The following SLC49A3 variants were observed in gnomAD, a reference collection of about 807,000 sequenced individuals.
The protein encoded by SLC49A3 is solute carrier family 49 member A3.
Under a neutral mutation model 43.8 loss-of-function variants are expected in SLC49A3, and 50 were observed. The ratio of observed to expected loss-of-function variants is 1.14; its 90% CI spans 0.91 to 1.45. The LOEUF (loss-of-function observed/expected upper bound fraction) is 1.45. Ranked by LOEUF, SLC49A3 falls within the 40% of genes most tolerant of loss-of-function variation. The probability of loss-of-function intolerance (pLI) is 0.00; values close to 1 mark genes in which losing one functional copy is unlikely to be tolerated. For missense variants in SLC49A3, 906 were observed against 774.1 expected, an observed-to-expected ratio of 1.17 and a Z score of -2.02; for synonymous variants, 413 against 352.0, an observed-to-expected ratio of 1.17 and a Z score of -1.94.
Position 682,175 on chromosome 4 carries a change from G to A in SLC49A3, c.1463C>T (p.Thr488Ile). Residue 488 changes from threonine (T) to isoleucine (I), a missense_variant, in exon 10 of 10, where the codon ACT becomes ATT. By Grantham distance (89) the Thr-to-Ile change is moderately conservative. Coordinates refer to ENST00000322224, the MANE Select transcript of SLC49A3 (RefSeq NM_032219.4). Reference sequence around the variant, plus strand: ...GGCCCCCCTCGCCGTGCACTCCGGAGTCGCCGTGCTGGGCCCCAGGACCCC... The same window carrying A: ...GGCCCCCCTCGCCGTGCACTCCGGAATCGCCGTGCTGGGCCCCAGGACCCC... ...RAGVLGPSTA[T>I]PECTARGASL... 7.4e-7 allele frequency: 1 copy of A among 1,353,984 alleles called. No individual in the cohort carries two copies. Among genetic ancestry groups the A allele is most frequent in the Non-Finnish European group, 9.6e-7 (1 of 1,041,520 alleles). 83.9% of individuals were successfully genotyped at this position (1,353,984 alleles called of 1,614,324 possible).
Position 682,174 on chromosome 4 carries a change from A to C in SLC49A3, c.1464T>G (p.Thr488=). The change falls in exon 10 of 10, where the codon ACT becomes ACG. Residue 488 remains threonine, a synonymous_variant. Coordinates refer to ENST00000322224, the MANE Select transcript of SLC49A3 (RefSeq NM_032219.4). ...RAGVLGPSTA[T]PECTARGASL... ...AGGCCCCCCTCGCCGTGCACTCCGGAGTCGCCGTGCTGGGCCCCAGGACCC... is the reference window on the plus strand; with the variant it reads ...AGGCCCCCCTCGCCGTGCACTCCGGCGTCGCCGTGCTGGGCCCCAGGACCC... 1 of 1,353,198 alleles carries C rather than the reference A, an allele frequency of 7.4e-7. No homozygotes were observed. Among genetic ancestry groups the C allele is most frequent in the Non-Finnish European group, 9.6e-7 (1 of 1,041,110 alleles). The allele number at this position is 1,353,198 out of a possible 1,614,324, so 83.8% of individuals were successfully genotyped here.
downstream of SLC49A3, chr4:680,606 A>AGGGCGGCCC (rs755997451): frequency 3.1e-6 from 5 of 1,610,522 alleles, no homozygotes; most frequent in Non-Finnish European, 4.2e-6. Flanking sequence ...CCGGGCGGCC[A>AGGGCGGCCC]GGGCGGCCCG....
chr4:678,320 C>T (rs554659733), downstream of SLC49A3: 8 of 1,424,238 alleles, frequency 5.6e-6, no homozygotes, highest in East Asian at 5.2e-5. Flanking sequence ...TCCCGGTACC[C>T]AGAACAAGCC....
In SLC49A3 at chr4:686,788, C is replaced by T. The variant is rs889632391; in HGVS notation, c.136-98G>A. The T allele has an allele frequency of 5.3e-5, 77 of 1,461,056 alleles. No individual in the cohort carries two copies. In the Admixed American group the frequency reaches 1.4e-3, roughly 27 times the overall value. 90.5% of individuals were successfully genotyped at this position (1,461,056 alleles called of 1,614,324 possible). On this transcript the variant is annotated intron_variant, in intron 1 of 9. Coordinates refer to ENST00000322224, the MANE Select transcript of SLC49A3 (RefSeq NM_032219.4). ...GAGGGGGTCAGAGTGCCAGCAGCCC[C>T]GTGAGGCCGAGGGGACACAGCGAGC...
In SLC49A3 at chr4:683,726, C is replaced by A; in HGVS notation, c.876G>T (p.Thr292=). The change falls in exon 7 of 10, where the codon ACG becomes ACT. Residue 292 remains threonine (T), a synonymous_variant. Coordinates refer to ENST00000322224, the MANE Select transcript of SLC49A3 (RefSeq NM_032219.4). ...GAGCCAGTGCCCCCAGGATCCCAAA[C>A]GTGATGAAGAGAGCGCCACAGAGGC... ...FSGLCGALFI[T]FGILGALALG... 1.3e-6 allele frequency: 2 copies of A among 1,587,872 alleles called. No homozygotes were observed. Among genetic ancestry groups the A allele is most frequent in the Middle Eastern group, 1.7e-4 (1 of 6,014 alleles).
intron 9 of SLC49A3, 27 bp downstream of exon 9, chr4:682,754 C>T (rs755590723): frequency 5.9e-6 from 9 of 1,516,520 alleles, no homozygotes; most frequent in African/African-American, 1.4e-5. Context: ...TGTCCTGTTC[C>T]CTGGGGACTC....
chr4:683,974 G>A (rs963253793), intron 6 of SLC49A3, among the ~76,000 whole-genome samples: 1 of 152,062 alleles, frequency 6.6e-6, no homozygotes, highest in Non-Finnish European at 1.5e-5. Flanking sequence ...TCGCTAAAGG[G>A]AAGAGCCTGT....
In SLC49A3 at chr4:685,223, C is replaced by T. The variant is rs1740747941; in HGVS notation, c.586-367G>A. 1 of 349,454 alleles carries T rather than the reference C, an allele frequency of 2.9e-6. No homozygotes were observed. The highest frequency in any genetic ancestry group is 3.2e-5 in the South Asian group (1 of 31,274). 21.6% of individuals were successfully genotyped at this position (349,454 alleles called of 1,614,324 possible). On this transcript the variant is annotated intron_variant, in intron 4 of 9. Transcript: ENST00000322224. This position sits in a 1 kb window ranked among gnomAD's most constrained non-coding sequence, Gnocchi z 4.3. ...CATACAGACTCACGCTCAGTACATA[C>T]CCCCAAGCACAAACACACCACCCGC...
chr4:691,587 T>C (rs573480980), upstream of SLC49A3, among the ~76,000 whole-genome samples: 83 of 150,512 alleles, frequency 5.5e-4, no homozygotes, highest in African/African-American at 1.8e-3. Context: ...AGAGGGAGAC[T>C]CTGTCACAAA....
At chr4:689,262 C>G, upstream of SLC49A3, 1 of 481,850 alleles carries the variant, frequency 2.1e-6, no homozygotes. Flanking sequence ...AGTTCCGCCC[C>G]AAGGACTACG....
intron 1 of SLC49A3, among the ~76,000 whole-genome samples, chr4:688,386 G>A (rs565320044): frequency 9.9e-5 from 15 of 152,106 alleles, no homozygotes; most frequent in Middle Eastern, 3.2e-3. Flanking sequence ...GACCATCCCC[G>A]TGACCTGGCG....
At position 683,676 on chromosome 4, in the gene SLC49A3, T is replaced by G. The variant is rs750388306; in HGVS notation, c.926A>C (p.Lys309Thr). Residue 309 changes from lysine to threonine, a missense_variant, in exon 7 of 10, where the codon AAG becomes ACG. Physicochemically the swap from Lys to Thr is moderately conservative, Grantham distance 78. Coordinates refer to ENST00000322224, the MANE Select transcript of SLC49A3 (RefSeq NM_032219.4). ...AATCTTGGTGGCCTCAGTGAAGTGC[T>G]TGGTCCGGTCCACATAGGGGCCGAG... ...LALGPYVDRT[K>T]HFTEATKIGL... The G allele has an allele frequency of 6.2e-7, 1 of 1,610,296 alleles. No individual in the cohort carries two copies. Among genetic ancestry groups the G allele is most frequent in the Non-Finnish European group, 8.5e-7 (1 of 1,178,798 alleles).
downstream of SLC49A3, chr4:681,065 CG>C: frequency 6.3e-7 from 1 of 1,580,068 alleles, no homozygotes; most frequent in Non-Finnish European, 8.6e-7. Flanking sequence ...CGCATCAGCC[CG>C]CGCTGACCCC....
upstream of SLC49A3, among the ~76,000 whole-genome samples, chr4:690,620 T>A (rs1333635251): frequency 6.6e-6 from 1 of 152,202 alleles, no homozygotes; most frequent in Admixed American, 6.5e-5. Flanking sequence ...TGACAGGTGG[T>A]GTCTGAGCCT....
downstream of SLC49A3, chr4:680,710 G>A: frequency 2.0e-6 from 2 of 1,014,220 alleles, no homozygotes; most frequent in Non-Finnish European, 2.9e-6. Flanking sequence ...ACCAGCTTCA[G>A]GGCCATGAGG....
intron 8 of SLC49A3, 98 bp downstream of exon 8, chr4:683,112 C>G: frequency 2.0e-6 from 3 of 1,504,840 alleles, no homozygotes; most frequent in East Asian, 2.3e-5. Flanking sequence ...CCCACCTCCC[C>G]GAAAAGGGGC....
chr4:680,224 C>T (rs575005816), downstream of SLC49A3, among the ~76,000 whole-genome samples: 21 of 152,308 alleles, frequency 1.4e-4, no homozygotes, highest in South Asian at 2.7e-3. Context: ...CTGTGTGACC[C>T]GCCGTCGACA....
chr4:689,041 G>C lies in SLC49A3; in HGVS notation c.87C>G (p.Arg29=). Residue 29 remains arginine, a synonymous_variant, in exon 1 of 10, where the codon CGC becomes CGG. Coordinates refer to ENST00000322224, the MANE Select transcript of SLC49A3 (RefSeq NM_032219.4). ...GGCTGATCGCGAGCAGGAACACCCA[G>C]CGGCGCGCGTAGGTGCGGTGGCCCC... ...AQRGHRTYAR[R]WVFLLAISLL... 1 of 1,589,488 alleles carries C rather than the reference G, an allele frequency of 6.3e-7. No individual in the cohort carries two copies. Among genetic ancestry groups the C allele is most frequent in the Non-Finnish European group, 8.5e-7 (1 of 1,170,842 alleles).
downstream of SLC49A3, chr4:680,490 G>A: frequency 6.2e-7 from 1 of 1,613,306 alleles, no homozygotes; most frequent in Non-Finnish European, 8.5e-7. Flanking sequence ...GCCCTGGGCT[G>A]AAGGTGCCTT....
Sources: gnomAD v4.1 joint callset for allele counts (sites outside exome capture counted in the v4.1 genomes callset) on GRCh38, gnomAD v4.1.1 for gene constraint, Gnocchi (gnomAD v3.1) non-coding constraint, MANE v1.5 for transcripts, NCBI Gene and HGNC (gene_info 2026-07-23, HGNC 2026-07-21) for gene names.